The following ERCC6L2 variants were observed in gnomAD, a reference collection of about 807,000 sequenced individuals.
ERCC6L2 encodes ERCC excision repair 6 like 2, also known as DNA excision repair protein ERCC-6-like 2.
In ERCC6L2, 77 loss-of-function variants were observed where a neutral mutation model predicts 132.0. The ratio of observed to expected loss-of-function variants is 0.58; its 90% CI spans 0.49 to 0.71. ERCC6L2 has a LOEUF of 0.71. Ranked by LOEUF, ERCC6L2 falls within the 30% of genes least tolerant of loss-of-function variation. ERCC6L2 has a pLI of 0.00. For missense variants in ERCC6L2, 1,542 were observed against 1,837.6 expected (o/e 0.84, Z 2.94); for synonymous variants, 583 against 632.4 (o/e 0.92, Z 1.17).
chr9:95,979,770 T>C (rs1052518908), intron 17 of ERCC6L2, among the ~76,000 whole-genome samples: 3 of 152,202 alleles, frequency 2.0e-5, no homozygotes, highest in African/African-American at 4.8e-5. Flanking sequence ...TTTGACTGCC[T>C]TGTATGTGCC....
rs1410054209 is a variant in ERCC6L2 at position 95,881,015 on chromosome 9, C to T, written c.193C>T (p.Pro65Ser). Residue 65 changes from proline to serine, a missense_variant, in exon 2 of 19, where the codon CCT (proline) becomes TCT (serine). By Grantham distance (74) the Pro-to-Ser change is moderately conservative. Coordinates refer to ENST00000653738, the MANE Select transcript of ERCC6L2 (RefSeq NM_020207.7). ...TGCAGATTTTCAAGAAAGGAAAATACCTCTTAAACAGCTTCAAGAAGTGAA... is the reference window on the plus strand; with the variant it reads ...TGCAGATTTTCAAGAAAGGAAAATATCTCTTAAACAGCTTCAAGAAGTGAA... ...LYADFQERKI[P>S]LKQLQEVKFV... 7 of 1,613,794 alleles carry T rather than the reference C, an allele frequency of 4.3e-6. No individual in the cohort carries two copies. Among genetic ancestry groups the T allele is most frequent in the Non-Finnish European group, 5.9e-6 (7 of 1,179,872 alleles).
chr9:96,005,278 A>G (rs1216012627), intron 18 of ERCC6L2, among the ~76,000 whole-genome samples: 1 of 151,880 alleles, frequency 6.6e-6, no homozygotes, highest in Non-Finnish European at 1.5e-5. Flanking sequence ...GCGCCACTGC[A>G]CTCCAACCTG....
intron 2 of ERCC6L2, among the ~76,000 whole-genome samples, chr9:95,888,666 G>C (rs1407708400): frequency 6.6e-6 from 1 of 152,140 alleles, no homozygotes; most frequent in East Asian, 1.9e-4. Flanking sequence ...TGCCTTCTTA[G>C]AGTTTGGGCT....
intron 17 of ERCC6L2, among the ~76,000 whole-genome samples, chr9:95,988,038 G>A (rs1017822690): frequency 3.3e-5 from 5 of 152,198 alleles, no homozygotes; most frequent in Non-Finnish European, 5.9e-5. Context: ...TGGCTAGAGC[G>A]GCTAGGACAC....
intron 2 of ERCC6L2, among the ~76,000 whole-genome samples, chr9:95,883,236 C>T (rs990352132): frequency 6.6e-6 from 1 of 152,146 alleles, no homozygotes; most frequent in African/African-American, 2.4e-5. Context: ...TGTTACATTT[C>T]TTCTCTGCTG....
At position 95,928,161 on chromosome 9, in the gene ERCC6L2, C is replaced by T; in HGVS notation, c.1605+11C>T. The T allele has an allele frequency of 2.5e-6, 4 of 1,592,592 alleles. No individual in the cohort carries two copies. Among genetic ancestry groups the T allele is most frequent in the Non-Finnish European group, 3.4e-6 (4 of 1,161,318 alleles). On this transcript the variant is annotated intron_variant, in intron 10 of 18. Transcript: ENST00000653738. ...TCTTTTTCCACCAAGGTGAGTTCAT[C>T]TAAAGTATATCCTTGATTGGCCAGC... is the stretch of plus-strand genomic sequence containing the variant.
intron 12 of ERCC6L2, among the ~76,000 whole-genome samples, chr9:95,946,586 A>G (rs562679078): frequency 4.1e-4 from 63 of 152,320 alleles, no homozygotes; most frequent in African/African-American, 1.5e-3. Context: ...TATATAAATT[A>G]CTTGAATAAA....
chr9:95,880,991 G>C lies in ERCC6L2; in HGVS notation c.169G>C (p.Ala57Pro). Reference sequence around the variant, plus strand: ...CAAGTCATTTGCAGTCGTCTTATATGCAGATTTTCAAGAAAGGAAAATACC... The same window carrying C: ...CAAGTCATTTGCAGTCGTCTTATATCCAGATTTTCAAGAAAGGAAAATACC... ...NGKSFAVVLY[A>P]DFQERKIPLK... The change falls in exon 2 of 19, where the codon GCA (alanine) becomes CCA (proline). Residue 57 changes from alanine to proline, a missense_variant. Ala to Pro is a conservative substitution (Grantham distance 27). Around this residue, in one of 4 missense-constraint regions of ERCC6L2, gnomAD observed 153 missense variants for 132.3 expected, o/e 1.16. Coordinates refer to ENST00000653738, the MANE Select transcript of ERCC6L2 (RefSeq NM_020207.7). 1 of 1,613,990 alleles carries C rather than the reference G, an allele frequency of 6.2e-7. No homozygotes were observed. The highest frequency in any genetic ancestry group is 8.5e-7 in the Non-Finnish European group (1 of 1,179,922).
At chr9:95,976,367 C>A (rs561046601) in intron 16 of ERCC6L2, among the ~76,000 whole-genome samples, 1 of 152,232 alleles carries the variant, frequency 6.6e-6, no homozygotes, top group Admixed American at 6.5e-5. Context: ...AGTGGTTGGC[C>A]TGCTCCAGCC....
chr9:95,953,808 GAC>G (rs1465189127), intron 12 of ERCC6L2, among the ~76,000 whole-genome samples: 1 of 151,950 alleles, frequency 6.6e-6, no homozygotes, highest in Non-Finnish European at 1.5e-5. Context: ...ATAAAATAGA[GAC>G]ACTTTTGAAA....
At chr9:95,945,133 G>C (rs1045872657) in intron 12 of ERCC6L2, among the ~76,000 whole-genome samples, 7 of 152,152 alleles carry the variant, frequency 4.6e-5, no homozygotes, top group Non-Finnish European at 1.0e-4. Flanking sequence ...CATCCCTACA[G>C]TAGTGACCAT....
At chr9:96,027,254 C>A (rs991910794) in intron 19 of ERCC6L2, among the ~76,000 whole-genome samples, 1 of 152,152 alleles carries the variant, frequency 6.6e-6, no homozygotes, top group African/African-American at 2.4e-5. Context: ...CCCCTCCCGC[C>A]TCCTGTGTGG....
intron 6 of ERCC6L2, chr9:95,918,786 G>T (rs1041273133): frequency 5.7e-6 from 1 of 174,400 alleles, no homozygotes; most frequent in Non-Finnish European, 1.2e-5. Context: ...CAGAAAAATG[G>T]TAGGTTAATA....
At chr9:95,964,442 T>C (rs1321705436) in intron 13 of ERCC6L2, among the ~76,000 whole-genome samples, 4 of 152,144 alleles carry the variant, frequency 2.6e-5, no homozygotes, top group African/African-American at 9.7e-5. Context: ...ACCTGGGTTA[T>C]CCAGATGGGC....
At chr9:95,905,412 G>A (rs1414332680) in intron 3 of ERCC6L2, among the ~76,000 whole-genome samples, 5 of 152,068 alleles carry the variant, frequency 3.3e-5, no homozygotes, top group Admixed American at 2.0e-4. Context: ...GGAATCTTAG[G>A]GCTGATGCCA....
chr9:95,902,575 A>G (rs1277351498), intron 3 of ERCC6L2, among the ~76,000 whole-genome samples: 2 of 152,146 alleles, frequency 1.3e-5, no homozygotes, highest in African/African-American at 4.8e-5. Context: ...CTGTAGGATA[A>G]ATTCTTAGTA....
At chr9:95,967,589 T>G (rs1333797782) in intron 14 of ERCC6L2, 1 of 152,174 alleles carries the variant, frequency 6.6e-6, no homozygotes, top group Non-Finnish European at 1.5e-5. Flanking sequence ...GCTGAACAAG[T>G]TAAACAGTAG....
chr9:95,969,820 TA>T (rs1297498374), intron 14 of ERCC6L2, among the ~76,000 whole-genome samples: 1 of 152,148 alleles, frequency 6.6e-6, no homozygotes, highest in Non-Finnish European at 1.5e-5. Flanking sequence ...ACCACGCCAT[TA>T]GTGTGTCTGT....
intron 19 of ERCC6L2, among the ~76,000 whole-genome samples, chr9:96,032,220 C>T (rs1834468859): frequency 6.6e-6 from 1 of 152,052 alleles, no homozygotes; most frequent in Admixed American, 6.5e-5. Flanking sequence ...AGGGAAAGGC[C>T]AGGGACCCCA....
Sources: allele counts gnomAD v4.1 joint callset (sites outside exome capture counted in the v4.1 genomes callset), GRCh38; gene constraint gnomAD v4.1.1; regional missense constraint gnomAD v4.1.1; transcripts MANE v1.5; gene names NCBI Gene and HGNC (gene_info 2026-07-23, HGNC 2026-07-21).